The following MAP2K4 variants were observed in gnomAD, a reference collection of about 807,000 sequenced individuals.
The protein encoded by MAP2K4 is mitogen-activated protein kinase kinase 4.
MAP2K4 carries 4 observed loss-of-function variants against 48.5 expected under a neutral mutation model. The ratio of observed to expected loss-of-function variants is 0.08; its 90% CI spans 0.04 to 0.19. MAP2K4 has a LOEUF of 0.19. Among genes scored for constraint, MAP2K4 ranks in the 10% least tolerant of loss-of-function variants. MAP2K4 has a pLI of 1.00. For synonymous variants in MAP2K4, 166 were observed against 173.1 expected (o/e 0.96, Z 0.32); for missense variants, 258 against 493.3 (o/e 0.52, Z 4.52).
At chr17:12,072,375 C>T (rs1017670727) in intron 2 of MAP2K4, among the ~76,000 whole-genome samples, 7 of 152,110 alleles carry the variant, frequency 4.6e-5, no homozygotes, top group African/African-American at 1.4e-4. Context: ...GTGAAGTCTG[C>T]GTTTTCTTTC....
At chr17:12,061,166 G>A (rs923803790) in intron 2 of MAP2K4, among the ~76,000 whole-genome samples, 1 of 152,136 alleles carries the variant, frequency 6.6e-6, no homozygotes, top group Non-Finnish European at 1.5e-5. Flanking sequence ...CTTTTTAAGG[G>A]TGAATAAATA....
chr17:12,066,136 C>CTT (rs56698550), intron 2 of MAP2K4, among the ~76,000 whole-genome samples: 5 of 101,830 alleles, frequency 4.9e-5, no homozygotes, highest in African/African-American at 1.1e-4. Context: ...TTCTTTCTTT[C>CTT]TTTTTTTTTT....
chr17:12,101,836 T>C (rs1040576040), intron 4 of MAP2K4, among the ~76,000 whole-genome samples: 1 of 152,142 alleles, frequency 6.6e-6, no homozygotes, highest in African/African-American at 2.4e-5. Context: ...TGCACAAATA[T>C]CATTTGATTT....
chr17:12,039,608 A>G (rs1271756468), intron 1 of MAP2K4, among the ~76,000 whole-genome samples: 2 of 152,224 alleles, frequency 1.3e-5, no homozygotes, highest in Non-Finnish European at 2.9e-5. Context: ...TCTTAAGTAC[A>G]TAACCTTGAT....
At chr17:12,048,682 G>C (rs893884483) in intron 1 of MAP2K4, among the ~76,000 whole-genome samples, 4 of 151,934 alleles carry the variant, frequency 2.6e-5, no homozygotes, top group Admixed American at 2.6e-4. Flanking sequence ...TTGAGACGCA[G>C]TTTCACTCTT....
chr17:12,066,529 CTT>C (rs1970621116), intron 2 of MAP2K4, among the ~76,000 whole-genome samples: 1 of 151,782 alleles, frequency 6.6e-6, no homozygotes, highest in Non-Finnish European at 1.5e-5. Context: ...TCCTCCTCCT[CTT>C]CTTCTTCTTC....
chr17:12,036,566 T>A (rs1969606347), intron 1 of MAP2K4: 2 of 152,174 alleles, frequency 1.3e-5, no homozygotes, highest in African/African-American at 4.8e-5. Context: ...TTCCAAAACC[T>A]CCTGATGTTG....
At chr17:12,063,631 AT>A (rs1179639164) in intron 2 of MAP2K4, among the ~76,000 whole-genome samples, 1 of 152,128 alleles carries the variant, frequency 6.6e-6, no homozygotes, top group Non-Finnish European at 1.5e-5. Context: ...AATAAATTGG[AT>A]TTTATCAAAA....
At chr17:12,140,460 A>G (rs12452497) in intron 10 of MAP2K4, among the ~76,000 whole-genome samples, 36,606 of 152,092 alleles carry the variant, frequency 0.24, 4,784 homozygotes, top group Non-Finnish European at 0.28. Context: ...AACTTATATC[A>G]CAGTCCACCA....
rs2151561584 is a variant in MAP2K4 at position 12,095,562 on chromosome 17, C to G, written c.394-13C>G. 6.2e-7 allele frequency: 1 copy of G among 1,612,830 alleles called. No homozygotes were observed. Among genetic ancestry groups the G allele is most frequent in the South Asian group, 1.1e-5 (1 of 90,862 alleles). ...ATTGTGTTTTTTTGACATCTTTTGT[C>G]ATTCTTTTCCAGAGAATTCGGTCAA... On this transcript the variant is annotated splice_polypyrimidine_tract_variant and intron_variant, in intron 3 of 10. Transcript: ENST00000353533.
intron 2 of MAP2K4, among the ~76,000 whole-genome samples, chr17:12,078,885 G>C (rs1371380659): frequency 6.6e-6 from 1 of 152,154 alleles, no homozygotes; most frequent in Admixed American, 6.5e-5. Context: ...TACTGTTAAA[G>C]CAATTGCTGT....
intron 5 of MAP2K4, among the ~76,000 whole-genome samples, chr17:12,108,388 CAGTCTAAACTATTTAA>C (rs1278562645): frequency 6.6e-6 from 1 of 152,046 alleles, no homozygotes; most frequent in Non-Finnish European, 1.5e-5. Flanking sequence ...TTTGGTTATT[CAGTCTAAACTATTTAA>C]AATTTTGACT....
chr17:12,136,931 T>C lies in MAP2K4; in HGVS notation c.1041-2908T>C, dbSNP rs765749789. Among the ~76,000 whole-genome samples, 4 of 152,164 alleles carry C rather than the reference T, an allele frequency of 2.6e-5. No individual in the cohort carries two copies. The East Asian group carries it at 5.8e-4, about 22-fold the overall frequency. On this transcript the variant is annotated intron_variant, in intron 9 of 10. Coordinates refer to ENST00000353533, the MANE Select transcript of MAP2K4 (RefSeq NM_003010.4). ...ATTCTGGAGAATGAAAAAAATGATA[T>C]CAGTTACTTCCTGGGCCACAGCTTT...
chr17:12,067,862 G>A (rs567475540), intron 2 of MAP2K4, among the ~76,000 whole-genome samples: 1 of 152,308 alleles, frequency 6.6e-6, no homozygotes, highest in South Asian at 2.1e-4. Context: ...TTGAGATTTA[G>A]AGGCAGACAC....
At chr17:12,128,575 C>G (rs150187043) in intron 8 of MAP2K4, among the ~76,000 whole-genome samples, 4 of 152,062 alleles carry the variant, frequency 2.6e-5, no homozygotes, top group Non-Finnish European at 5.9e-5. Flanking sequence ...AGGGTTTGAC[C>G]CTGACTTGAT....
intron 3 of MAP2K4, among the ~76,000 whole-genome samples, chr17:12,094,540 C>T (rs1355061801): frequency 6.6e-6 from 1 of 152,180 alleles, no homozygotes; most frequent in Non-Finnish European, 1.5e-5. Flanking sequence ...TAAGTACACA[C>T]TATGTATTGT....
At chr17:12,083,681 C>T (rs1184694579) in intron 3 of MAP2K4, among the ~76,000 whole-genome samples, 1 of 152,204 alleles carries the variant, frequency 6.6e-6, no homozygotes, top group Non-Finnish European at 1.5e-5. Context: ...CAATTGATGA[C>T]AGATGTATGC....
At chr17:12,058,178 T>C (rs897211966) in intron 2 of MAP2K4, among the ~76,000 whole-genome samples, 1 of 152,124 alleles carries the variant, frequency 6.6e-6, no homozygotes, top group Non-Finnish European at 1.5e-5. Flanking sequence ...TGCCCCCTTT[T>C]TATTTTAGGG....
intron 7 of MAP2K4, among the ~76,000 whole-genome samples, chr17:12,117,535 CTAA>C (rs1283281029): frequency 3.9e-5 from 6 of 152,134 alleles, no homozygotes; most frequent in African/African-American, 1.4e-4. Flanking sequence ...GCAAGATGTG[CTAA>C]TGACAGGTTC....
Sources: gnomAD v4.1 joint callset for allele counts (sites outside exome capture counted in the v4.1 genomes callset) on GRCh38, gnomAD v4.1.1 for gene constraint, MANE v1.5 for transcripts, NCBI Gene and HGNC (gene_info 2026-07-23, HGNC 2026-07-21) for gene names.